Variants in BICDL2 observed in about 807,000 individuals in gnomAD.
BICDL2 encodes BICD family like cargo adaptor 2, also known as BICD family-like cargo adapter 2.
BICDL2 carries 62 observed loss-of-function variants against 56.6 expected under a neutral mutation model. The ratio of observed to expected loss-of-function variants is 1.10; its 90% CI spans 0.89 to 1.35. BICDL2 has a LOEUF of 1.35. Ranked by LOEUF, BICDL2 falls within the 40% of genes most tolerant of loss-of-function variation. BICDL2 has a pLI of 0.00. For synonymous variants in BICDL2, 358 were observed against 319.8 expected (o/e 1.12, Z -1.27); for missense variants, 808 against 684.5 (o/e 1.18, Z -2.01).
Position 3,031,338 on chromosome 16 carries a change from A to C in BICDL2, c.283-188T>G, listed in dbSNP as rs919773851. On this transcript the variant is annotated intron_variant, in intron 2 of 9. Coordinates refer to ENST00000572449, the MANE Select transcript of BICDL2 (RefSeq NM_001369667.1). The stretch of plus-strand genomic sequence containing the variant: ...AGCAAGACCCAGAGATTTAGAGGGA[A>C]GGTTCCGAGCAGACAGGACGCGTGG... 12 of 607,442 alleles carry C rather than the reference A, an allele frequency of 2.0e-5. No homozygotes were observed. The African/African-American group carries it at 2.2e-4, about 11-fold the overall frequency. 37.6% of individuals were successfully genotyped at this position (607,442 alleles called of 1,614,324 possible).
chr16:3,028,198 A>T lies in BICDL2; in HGVS notation c.1435T>A (p.Ser479Thr), dbSNP rs1275020558. ...CGGGGCGCGGCACGGCGCGGGGTCG[A>T]CGACGACGCGGAGGCGCTCAGCTCC... ...QKELSASASS[S>T]TPRRAAPRFS... is the part of the protein sequence containing the mutation. The change falls in exon 10 of 10, where the codon TCG becomes ACG. Residue 479 changes from serine (S) to threonine (T), a missense_variant. Ser to Thr is a moderately conservative substitution (Grantham distance 58). Coordinates refer to ENST00000572449, the MANE Select transcript of BICDL2 (RefSeq NM_001369667.1). 1 of 1,463,792 alleles carries T rather than the reference A, an allele frequency of 6.8e-7. No homozygotes were observed. The highest frequency in any genetic ancestry group is 8.9e-7 in the Non-Finnish European group (1 of 1,118,794). The allele number at this position is 1,463,792 out of a possible 1,614,324, so 90.7% of individuals were successfully genotyped here. A position where few individuals can be genotyped will look rare whatever the true frequency, so the allele number is the denominator to read the frequency against.
intron 2 of BICDL2, 107 bp downstream of exon 2, chr16:3,035,108 C>T (rs1596485209): frequency 2.5e-6 from 3 of 1,181,960 alleles, no homozygotes; most frequent in Non-Finnish European, 3.5e-6. Context: ...GCTGTCCTCC[C>T]CAGCTCCTCT....
At position 3,027,906 on chromosome 16, in the gene BICDL2, C is replaced by T; in HGVS notation, c.*200G>A. ...AAATAGCTCTGTTCACCTGCCCCTG[C>T]CACCCACCTGGAGCTCCTGCCCCAC... On this transcript the variant is annotated 3_prime_UTR_variant, in exon 10 of 10. Coordinates refer to ENST00000572449, the MANE Select transcript of BICDL2 (RefSeq NM_001369667.1). 1 of 880,334 alleles carries T rather than the reference C, an allele frequency of 1.1e-6. No homozygotes were observed. The highest frequency in any genetic ancestry group is 2.0e-5 in the South Asian group (1 of 50,328). The allele number at this position is 880,334 out of a possible 1,614,324, so 54.5% of individuals were successfully genotyped here. A position where few individuals can be genotyped will look rare whatever the true frequency, so the allele number is the denominator to read the frequency against.
rs762569352 is a variant in BICDL2, at chr16:3,030,432, C to T, written c.762+17G>A. 3.1e-6 allele frequency: 5 copies of T among 1,597,118 alleles called. No homozygotes were observed. Among genetic ancestry groups the T allele is most frequent in the Admixed American group, 3.4e-5 (2 of 59,386 alleles). ...TAAGGGTCCAGGCAGTTGTAGTCCCCCAGCCCTGCAGGTCACCTCCAGGCT... is the reference window on the plus strand; with the variant it reads ...TAAGGGTCCAGGCAGTTGTAGTCCCTCAGCCCTGCAGGTCACCTCCAGGCT... On this transcript the variant is annotated intron_variant, in intron 5 of 9. Coordinates refer to ENST00000572449, the MANE Select transcript of BICDL2 (RefSeq NM_001369667.1).
chr16:3,030,834 CAGA>C, intron 3 of BICDL2, 22 bp from the exon 4 acceptor site: 1 of 1,589,556 alleles, frequency 6.3e-7, no homozygotes, highest in Non-Finnish European at 8.5e-7. Context: ...GAAAGAGGGA[CAGA>C]GGAGCCTCAG....
rs1955590564 is a variant in BICDL2 at position 3,028,449 on chromosome 16, G to C, written c.1258C>G (p.Gln420Glu). 6.4e-7 allele frequency: 1 copy of C among 1,568,790 alleles called. No homozygotes were observed. ...AVNKALELSL[Q>E]LNRVSLERDS... ...CGCTCCAGCGAGACGCGGTTGAGCTGCAGGGACAGCTCCAGGGCCCTAGGC... is the reference window on the plus strand; with the variant it reads ...CGCTCCAGCGAGACGCGGTTGAGCTCCAGGGACAGCTCCAGGGCCCTAGGC... Residue 420 changes from glutamine (Q) to glutamate (E), a missense_variant, in exon 9 of 10, where the codon CAG (glutamine) becomes GAG (glutamate). Transcript: ENST00000572449.
In BICDL2 at chr16:3,030,434, A is replaced by C. The variant is rs770770507; in HGVS notation, c.762+15T>G. 5 of 1,597,446 alleles carry C rather than the reference A, an allele frequency of 3.1e-6. No individual in the cohort carries two copies. In the South Asian group the frequency reaches 5.5e-5, roughly 18 times the overall value. On this transcript the variant is annotated intron_variant, in intron 5 of 9. Coordinates refer to ENST00000572449, the MANE Select transcript of BICDL2 (RefSeq NM_001369667.1). Reference sequence around the variant, plus strand: ...AGGGTCCAGGCAGTTGTAGTCCCCCAGCCCTGCAGGTCACCTCCAGGCTGT... The same window carrying C: ...AGGGTCCAGGCAGTTGTAGTCCCCCCGCCCTGCAGGTCACCTCCAGGCTGT...
chr16:3,035,197 C>A lies in BICDL2; in HGVS notation c.282+18G>T, dbSNP rs894044930. On this transcript the variant is annotated intron_variant, in intron 2 of 9. Transcript: ENST00000572449. Reference sequence around the variant, plus strand: ...CCCCTGCCCACCCACCCACCCACCCCGTCCAGTGCTAGCTCACTTCCTCAC... The same window carrying A: ...CCCCTGCCCACCCACCCACCCACCCAGTCCAGTGCTAGCTCACTTCCTCAC... 2.8e-5 allele frequency: 11 copies of A among 388,808 alleles called. No homozygotes were observed. The highest frequency in any genetic ancestry group is 4.6e-5 in the Non-Finnish European group (9 of 194,216). 24.1% of individuals were successfully genotyped at this position (388,808 alleles called of 1,614,324 possible).
Position 3,030,725 on chromosome 16 carries a change from T to G in BICDL2, c.586A>C (p.Arg196=), listed in dbSNP as rs1350801017. The G allele has an allele frequency of 9.3e-6, 15 of 1,612,510 alleles. No homozygotes were observed. Among genetic ancestry groups the G allele is most frequent in the Non-Finnish European group, 1.1e-5 (13 of 1,179,782 alleles). The change falls in exon 4 of 10, where the codon AGG becomes CGG. Residue 196 remains arginine, a synonymous_variant. Transcript: ENST00000572449. ...CCCTGCAGACTCTCCAGCCGCGTCC[T>G]CAGCTCTGCTCCAGCCAGTGCCTGA... is the stretch of plus-strand genomic sequence containing the variant. ...QAQALAGAEL[R]TRLESLQGEN...
intron 1 of BICDL2, 105 bp from the exon 2 acceptor site, chr16:3,035,631 C>A: frequency 9.6e-7 from 1 of 1,042,940 alleles, no homozygotes; most frequent in Non-Finnish European, 1.4e-6. Flanking sequence ...GTCCTGCAGC[C>A]AGGGCTTCCT....
At chr16:3,034,447 T>G (rs1955699463) in intron 2 of BICDL2, among the ~76,000 whole-genome samples, 1 of 151,862 alleles carries the variant, frequency 6.6e-6, no homozygotes, top group South Asian at 2.1e-4. Flanking sequence ...CCTGGCTAAT[T>G]TTTTTTGTAT....
chr16:3,036,113 C>T, intron 1 of BICDL2: 1 of 374,620 alleles, frequency 2.7e-6, no homozygotes, highest in South Asian at 2.0e-5. Context: ...ACTCAGAGGT[C>T]CCCACCTCCA....
In BICDL2 at chr16:3,035,077, C is replaced by G; in HGVS notation, c.282+138G>C. ...GGACTGGGCCCAGCTCTGACCTGTT[C>G]CAAAGTGCCCCCCTCGCCCGGCTGT... is the stretch of plus-strand genomic sequence containing the variant. On this transcript the variant is annotated intron_variant, in intron 2 of 9. Coordinates refer to ENST00000572449, the MANE Select transcript of BICDL2 (RefSeq NM_001369667.1). 3.4e-6 allele frequency: 3 copies of G among 880,654 alleles called. No homozygotes were observed. In the East Asian group the frequency reaches 8.0e-5, roughly 23 times the overall value. 54.6% of individuals were successfully genotyped at this position (880,654 alleles called of 1,614,324 possible).
At chr16:3,033,338 G>T (rs1450599442) in intron 2 of BICDL2, among the ~76,000 whole-genome samples, 1 of 152,062 alleles carries the variant, frequency 6.6e-6, no homozygotes, top group Non-Finnish European at 1.5e-5. Context: ...GGAAGCTGGG[G>T]ACTCAGGAGA....
chr16:3,029,456 G>A (rs1439806906), intron 6 of BICDL2, 27 bp from the exon 7 acceptor site: 1 of 1,594,728 alleles, frequency 6.3e-7, no homozygotes. Flanking sequence ...TGGGTTAGTG[G>A]TGTGGAGTTT....
chr16:3,035,364 C>T lies in BICDL2; in HGVS notation c.133G>A (p.Glu45Lys). 1 of 1,605,880 alleles carries T rather than the reference C, an allele frequency of 6.2e-7. No homozygotes were observed. Among genetic ancestry groups the T allele is most frequent in the Non-Finnish European group, 8.5e-7 (1 of 1,176,990 alleles). ...DSFLGGGPGP[E>K]EPEDLALQLQ... ...TGCAAGGCTAGGTCCTCGGGCTCCT[C>T]AGGCCCTGGGCCCCCTCCCAGGAAT... Residue 45 changes from glutamate (E) to lysine (K), a missense_variant, in exon 2 of 10, where the codon GAG (glutamate) becomes AAG (lysine). Coordinates refer to ENST00000572449, the MANE Select transcript of BICDL2 (RefSeq NM_001369667.1).
At position 3,030,801 on chromosome 16, in the gene BICDL2, AG is replaced by A. The variant is rs1379454040; in HGVS notation, c.509del (p.Thr170MetfsTer26). The stretch of plus-strand genomic sequence containing the variant: ...CCAGTTCCCTCTGAAGTTCCTGCTC[AG>A]TCTGGGAGGCCTGGGGAGGTGGAAA... ...LSQQLAQASQ[T>X]EQELQRELDA... On this transcript the variant is annotated frameshift_variant, in exon 4 of 10. Transcript: ENST00000572449. LOFTEE classifies it high-confidence loss of function. The A allele has an allele frequency of 6.2e-7, 1 of 1,609,850 alleles. No individual in the cohort carries two copies.
chr16:3,029,639 G>C lies in BICDL2; in HGVS notation c.863C>G (p.Ala288Gly), dbSNP rs1263979828. 4.6e-6 allele frequency: 7 copies of C among 1,534,960 alleles called. No individual in the cohort carries two copies. The highest frequency in any genetic ancestry group is 6.1e-6 in the Non-Finnish European group (7 of 1,145,306). The change falls in exon 6 of 10, where the codon GCC (alanine) becomes GGC (glycine). Residue 288 changes from alanine (A) to glycine (G), a missense_variant. Physicochemically the swap from Ala to Gly is moderately conservative, Grantham distance 60. Coordinates refer to ENST00000572449, the MANE Select transcript of BICDL2 (RefSeq NM_001369667.1). ...CTGCAACGAGGCAGCCGACACGTCG[G>C]CGTCCTGGAGGCGTGACTCCTCCTC... is the stretch of plus-strand genomic sequence containing the variant. ...ELEEESRLQDADVSAASLQSE... is the reference protein window; with the variant it reads ...ELEEESRLQDGDVSAASLQSE...
At position 3,029,644 on chromosome 16, in the gene BICDL2, CTGGAGG is replaced by C; in HGVS notation, c.852_857del (p.Leu285_Gln286del). The C allele has an allele frequency of 2.6e-6, 4 of 1,535,444 alleles. No individual in the cohort carries two copies. Among genetic ancestry groups the C allele is most frequent in the Non-Finnish European group, 3.5e-6 (4 of 1,145,496 alleles). On this transcript the variant is annotated inframe_deletion, in exon 6 of 10. Transcript: ENST00000572449. The stretch of plus-strand genomic sequence containing the variant: ...ACGAGGCAGCCGACACGTCGGCGTC[CTGGAGG>C]CGTGACTCCTCCTCCAGCTCGGAGA...
Sources: gnomAD v4.1 joint callset for allele counts (sites outside exome capture counted in the v4.1 genomes callset) on GRCh38, gnomAD v4.1.1 for gene constraint, MANE v1.5 for transcripts, NCBI Gene and HGNC (gene_info 2026-07-23, HGNC 2026-07-21) for gene names.